Variants in NDUFA5 observed in about 807,000 individuals in gnomAD.
NDUFA5 encodes NADH:ubiquinone oxidoreductase subunit A5, also known as NADH dehydrogenase [ubiquinone] 1 alpha subcomplex subunit 5.
A neutral mutation model predicts 19.8 loss-of-function variants in NDUFA5; 11 were observed. The ratio of observed to expected loss-of-function variants is 0.56; its 90% CI spans 0.35 to 0.92. The LOEUF (loss-of-function observed/expected upper bound fraction) is 0.92, where lower values mean the gene tolerates loss of function less well. NDUFA5 is among the 40% of genes least tolerant of loss of function. NDUFA5 has a pLI of 0.01. For synonymous variants in NDUFA5, 47 were observed against 46.8 expected (o/e 1.00, Z -0.01); for missense variants, 109 against 134.2 (o/e 0.81, Z 0.93).
intron 3 of NDUFA5, chr7:123,546,836 G>C (rs1798150400): frequency 5.8e-6 from 3 of 516,944 alleles, no homozygotes; most frequent in South Asian, 4.6e-5. Flanking sequence ...TACCACAAAA[G>C]ATATACATGT....
At chr7:123,551,990 G>T (rs1322505599) in intron 2 of NDUFA5, among the ~76,000 whole-genome samples, 3 of 152,080 alleles carry the variant, frequency 2.0e-5, no homozygotes, top group African/African-American at 7.2e-5. Flanking sequence ...TATCAATAGG[G>T]TGGACACTTA....
chr7:123,571,721 T>C, the NDUFA5 span, among the ~76,000 whole-genome samples: 10 of 152,170 alleles, frequency 6.6e-5, no homozygotes, highest in South Asian at 6.2e-4. Flanking sequence ...ACACCAGCAA[T>C]GTTTTAATTT....
upstream of NDUFA5, among the ~76,000 whole-genome samples, chr7:123,559,606 C>G (rs993024391): frequency 2.6e-5 from 4 of 152,126 alleles, no homozygotes; most frequent in Non-Finnish European, 5.9e-5. Context: ...CCTGTAATCC[C>G]AGCACTTTGG....
chr7:123,557,951 T>G, upstream of NDUFA5: 2 of 1,306,908 alleles, frequency 1.5e-6, no homozygotes, highest in Non-Finnish European at 2.1e-6. Flanking sequence ...CCGCCCATCT[T>G]AAAAGAGAAA....
chr7:123,591,614 T>G, the NDUFA5 span, among the ~76,000 whole-genome samples: 1 of 152,322 alleles, frequency 6.6e-6, no homozygotes. Flanking sequence ...TTGATTTGTG[T>G]ATAATGAACC....
the NDUFA5 span, among the ~76,000 whole-genome samples, chr7:123,575,240 T>C: frequency 6.6e-6 from 1 of 152,054 alleles, no homozygotes; most frequent in African/African-American, 2.4e-5. Context: ...ATTAGTTCCC[T>C]ACTAGGAAAA....
chr7:123,566,205 C>G, the NDUFA5 span, among the ~76,000 whole-genome samples: 1 of 152,166 alleles, frequency 6.6e-6, no homozygotes, highest in Non-Finnish European at 1.5e-5. Flanking sequence ...AGGCAGAGAT[C>G]AGAGTGATGC....
chr7:123,549,795 C>T (rs773676247), intron 3 of NDUFA5, among the ~76,000 whole-genome samples: 1 of 152,034 alleles, frequency 6.6e-6, no homozygotes, highest in Non-Finnish European at 1.5e-5. Context: ...ATACAAAATA[C>T]GATATAATAC....
At chr7:123,585,175 G>A in the NDUFA5 span, among the ~76,000 whole-genome samples, 1 of 151,718 alleles carries the variant, frequency 6.6e-6, no homozygotes, top group Non-Finnish European at 1.5e-5. Context: ...TCTGAACAAA[G>A]AATTCAAATA....
chr7:123,571,872 C>T, the NDUFA5 span, among the ~76,000 whole-genome samples: 1 of 152,110 alleles, frequency 6.6e-6, no homozygotes, highest in Non-Finnish European at 1.5e-5. Flanking sequence ...CCGAGTGATC[C>T]TCCTGTTTCA....
At chr7:123,546,345 G>A (rs950767507) in intron 3 of NDUFA5, among the ~76,000 whole-genome samples, 2 of 152,078 alleles carry the variant, frequency 1.3e-5, no homozygotes, top group Non-Finnish European at 2.9e-5. Flanking sequence ...CAGGCAAAAA[G>A]AAGTCCAAAT....
chr7:123,582,684 C>T, the NDUFA5 span, among the ~76,000 whole-genome samples: 1 of 151,872 alleles, frequency 6.6e-6, no homozygotes, highest in African/African-American at 2.4e-5. Context: ...TCCTTCAAGT[C>T]TCAGCTCAAG....
the NDUFA5 span, among the ~76,000 whole-genome samples, chr7:123,576,489 G>A: frequency 1.3e-5 from 2 of 152,008 alleles, no homozygotes; most frequent in Non-Finnish European, 2.9e-5. Context: ...TGTGCCATAG[G>A]AATTTCATGT....
intron 1 of NDUFA5, 39 bp from the exon 2 acceptor site, chr7:123,557,487 G>C: frequency 6.2e-7 from 1 of 1,612,910 alleles, no homozygotes; most frequent in Non-Finnish European, 8.5e-7. Context: ...TGTTTACTAC[G>C]GTTTCCATAC....
chr7:123,587,005 G>C, the NDUFA5 span, among the ~76,000 whole-genome samples: 3 of 151,494 alleles, frequency 2.0e-5, no homozygotes, highest in East Asian at 3.9e-4. Context: ...ATTATAATTT[G>C]ATGCTTTCAG....
the NDUFA5 span, among the ~76,000 whole-genome samples, chr7:123,587,874 C>G: frequency 1.3e-5 from 2 of 151,726 alleles, no homozygotes; most frequent in South Asian, 4.1e-4. Flanking sequence ...ACTTGCATCC[C>G]AGAGATAAAT....
At chr7:123,598,806 C>T in the NDUFA5 span, 1 of 152,180 alleles carries the variant, frequency 6.6e-6, no homozygotes, top group African/African-American at 2.4e-5. Context: ...CTTGCCTTTG[C>T]TTGGCTACAT....
At position 123,541,498 on chromosome 7, in the gene NDUFA5, T is replaced by C. The variant is rs1305138669; in HGVS notation, c.*621A>G. On this transcript the variant is annotated 3_prime_UTR_variant, in exon 5 of 5. Transcript: ENST00000355749. ...CAACAAAATATAATAAAATTAAGAC[T>C]ATAAGAAAACAGAGTAAATGGTATA... 1.3e-5 allele frequency: 2 copies of C among 152,172 alleles called. No homozygotes were observed. The highest frequency in any genetic ancestry group is 2.1e-4 in the South Asian group (1 of 4,836). 9.4% of individuals were successfully genotyped at this position (152,172 alleles called of 1,614,324 possible).
chr7:123,582,280 G>T, the NDUFA5 span, among the ~76,000 whole-genome samples: 104 of 151,858 alleles, frequency 6.8e-4, 1 homozygote, highest in Admixed American at 4.6e-3. Context: ...GATGGGGAGG[G>T]GGGGTTGCAT....
Sources: allele counts gnomAD v4.1 joint callset (sites outside exome capture counted in the v4.1 genomes callset), GRCh38; gene constraint gnomAD v4.1.1; transcripts MANE v1.5; gene names NCBI Gene and HGNC (gene_info 2026-07-23, HGNC 2026-07-21).